Variants in ANKRD10 observed in about 807,000 individuals in gnomAD.
ANKRD10 encodes the protein ankyrin repeat domain-containing protein 10.
ANKRD10 carries 14 observed loss-of-function variants against 27.0 expected under a neutral mutation model. That is an observed-to-expected ratio of 0.52 (90% CI 0.34 to 0.81). ANKRD10 has a LOEUF of 0.81. Ranked by LOEUF, ANKRD10 falls within the 40% of genes least tolerant of loss-of-function variation. The probability of loss-of-function intolerance (pLI) is 0.01; values close to 1 mark genes in which losing one functional copy is unlikely to be tolerated. For synonymous variants in ANKRD10, 250 were observed against 224.5 expected, an observed-to-expected ratio of 1.11 and a Z score of -1.01; for missense variants, 493 against 544.0, an observed-to-expected ratio of 0.91 and a Z score of 0.93.
Position 110,880,150 on chromosome 13 carries a change from C to T in ANKRD10, c.788-38G>A, listed in dbSNP as rs550522941. 8 of 1,539,858 alleles carry T rather than the reference C, an allele frequency of 5.2e-6. No individual in the cohort carries two copies. The Admixed American group carries it at 1.4e-4, about 28-fold the overall frequency. ...ATACACCTGTCACCAAAATTCAGAA[C>T]CAATGAGGGAGGAGAAACTATAAAA... On this transcript the variant is annotated intron_variant, in intron 5 of 5. Transcript: ENST00000267339.
chr13:110,910,061 G>C (rs2065652402), intron 2 of ANKRD10, among the ~76,000 whole-genome samples: 1 of 152,146 alleles, frequency 6.6e-6, no homozygotes, highest in African/African-American at 2.4e-5. Flanking sequence ...GTGTGTGTTT[G>C]GTTTAGGTGA....
intron 3 of ANKRD10, chr13:110,903,587 C>T (rs1356599533): frequency 1.3e-5 from 2 of 153,852 alleles, no homozygotes; most frequent in African/African-American, 2.4e-5. Context: ...GCCACAGACA[C>T]TTAGTGTACT....
At chr13:110,913,147 G>A (rs1018296568) in intron 1 of ANKRD10, among the ~76,000 whole-genome samples, 1 of 152,204 alleles carries the variant, frequency 6.6e-6, no homozygotes, top group Non-Finnish European at 1.5e-5. Context: ...AATTTTCTAA[G>A]TGACCATCTG....
intron 3 of ANKRD10, chr13:110,900,670 A>C: frequency 1.5e-6 from 2 of 1,351,878 alleles, no homozygotes; most frequent in Non-Finnish European, 2.0e-6. Context: ...TACTTGAAAA[A>C]ATCAAGTCAA....
intron 3 of ANKRD10, chr13:110,900,441 C>A: frequency 1.0e-6 from 1 of 1,004,190 alleles, no homozygotes; most frequent in Non-Finnish European, 1.2e-6. Context: ...AGGTAGATAT[C>A]ATAAATTAGG....
chr13:110,893,341 A>G (rs2065133427), intron 3 of ANKRD10, 78 bp from the exon 4 acceptor site: 2 of 1,381,406 alleles, frequency 1.4e-6, no homozygotes, highest in Non-Finnish European at 2.0e-6. Flanking sequence ...CTGACTAGCT[A>G]TCTGAAGGTG....
chr13:110,906,832 C>T (rs369646941), intron 2 of ANKRD10, among the ~76,000 whole-genome samples: 2 of 151,810 alleles, frequency 1.3e-5, no homozygotes, highest in East Asian at 1.9e-4. Flanking sequence ...GGTGGGGTGG[C>T]GGCGGTGGGG....
chr13:110,887,998 A>G lies in ANKRD10; in HGVS notation c.692-4205T>C, dbSNP rs572781834. ...TTTGTTCTGCTGTAGAGCACATTTTACTCAACTTTTTAAGGTCCTGTTAAA... is the reference window on the plus strand; with the variant it reads ...TTTGTTCTGCTGTAGAGCACATTTTGCTCAACTTTTTAAGGTCCTGTTAAA... On this transcript the variant is annotated intron_variant, in intron 4 of 5. Transcript: ENST00000267339. 3.9e-5 allele frequency among the ~76,000 whole-genome samples: 6 copies of G among 152,172 alleles called. No homozygotes were observed. In the East Asian group the frequency reaches 1.2e-3, roughly 29 times the overall value.
intron 2 of ANKRD10, among the ~76,000 whole-genome samples, chr13:110,908,671 C>G (rs1290665919): frequency 6.6e-6 from 1 of 152,014 alleles, no homozygotes; most frequent in South Asian, 2.1e-4. Flanking sequence ...AGCAGGTAGG[C>G]GGGGTGGGGA....
intron 2 of ANKRD10, among the ~76,000 whole-genome samples, chr13:110,906,444 G>A (rs1566489285): frequency 8.0e-6 from 1 of 124,728 alleles, no homozygotes. Flanking sequence ...CCCAGAATAA[G>A]TAACCAAACA....
chr13:110,912,854 G>A (rs1238673922), intron 1 of ANKRD10, among the ~76,000 whole-genome samples: 2 of 152,188 alleles, frequency 1.3e-5, no homozygotes, highest in Non-Finnish European at 2.9e-5. Flanking sequence ...CTTCTCAGAA[G>A]GGAATGTTTG....
At chr13:110,914,356 CCTGGA>C (rs2065816958) in intron 1 of ANKRD10, among the ~76,000 whole-genome samples, 1 of 152,096 alleles carries the variant, frequency 6.6e-6, no homozygotes, top group Admixed American at 6.5e-5. Context: ...TCCGGCCCGG[CCTGGA>C]GGGCCCCGCA....
In ANKRD10 at chr13:110,911,492, C is replaced by T. The variant is rs538714699; in HGVS notation, c.211-722G>A. Among the ~76,000 whole-genome samples, 85 of 150,818 alleles carry T rather than the reference C, an allele frequency of 5.6e-4. 1 individual carries two copies. The highest frequency in any genetic ancestry group is 2.1e-3 in the African/African-American group (84 of 40,928). On this transcript the variant is annotated intron_variant, in intron 1 of 5. Coordinates refer to ENST00000267339, the MANE Select transcript of ANKRD10 (RefSeq NM_017664.4). ...CACCACCACTTTGTGTAATGCCAGG[C>T]GCAGTGCCTCATGCCTGTAATTCCA...
At chr13:110,908,099 C>T (rs1209845496) in intron 2 of ANKRD10, among the ~76,000 whole-genome samples, 1 of 152,028 alleles carries the variant, frequency 6.6e-6, no homozygotes, top group Non-Finnish European at 1.5e-5. Flanking sequence ...TGAAGGTGCC[C>T]GGGCCTCCAG....
chr13:110,912,764 C>A (rs1305615856), intron 1 of ANKRD10, among the ~76,000 whole-genome samples: 1 of 152,198 alleles, frequency 6.6e-6, no homozygotes, highest in Non-Finnish European at 1.5e-5. Context: ...AGAGGGCAGC[C>A]GTTAGCAGGG....
intron 3 of ANKRD10, chr13:110,894,298 TAC>T (rs987699953): frequency 1.5e-6 from 1 of 667,814 alleles, no homozygotes; most frequent in Non-Finnish European, 2.6e-6. Flanking sequence ...TTCAGCAAGC[TAC>T]ACTACATCCA....
intron 2 of ANKRD10, among the ~76,000 whole-genome samples, chr13:110,906,567 C>G (rs1372799836): frequency 6.6e-6 from 1 of 152,180 alleles, no homozygotes; most frequent in Non-Finnish European, 1.5e-5. Context: ...TGTGCCTACC[C>G]CAATGCTAAC....
intron 5 of ANKRD10, chr13:110,883,354 G>T: frequency 3.5e-6 from 1 of 284,068 alleles, no homozygotes; most frequent in Non-Finnish European, 5.6e-6. Flanking sequence ...AAATAAGCAA[G>T]GCACATTAAG....
chr13:110,900,237 T>C (rs1033079092), intron 3 of ANKRD10, among the ~76,000 whole-genome samples: 8 of 152,198 alleles, frequency 5.3e-5, no homozygotes, highest in African/African-American at 1.9e-4. Flanking sequence ...AGAACGACTT[T>C]GTTTCAATTT....
Sources: gnomAD v4.1 joint callset for allele counts (sites outside exome capture counted in the v4.1 genomes callset) on GRCh38, gnomAD v4.1.1 for gene constraint, MANE v1.5 for transcripts, NCBI Gene and HGNC (gene_info 2026-07-23, HGNC 2026-07-21) for gene names.